SOD2: variants seen among roughly 807,000 people sequenced by gnomAD.
The protein encoded by SOD2 is superoxide dismutase [Mn], mitochondrial.
Under a neutral mutation model 27.0 loss-of-function variants are expected in SOD2, and 11 were observed. That is an observed-to-expected ratio of 0.41 (90% confidence interval 0.26 to 0.67). SOD2 has a LOEUF of 0.67. SOD2 is among the 30% of genes least tolerant of loss of function. SOD2 has a pLI of 0.34. For missense variants in SOD2, 250 were observed against 274.5 expected, an observed-to-expected ratio of 0.91 and a Z score of 0.63; for synonymous variants, 105 against 103.0, an observed-to-expected ratio of 1.02 and a Z score of -0.12.
At chr6:159,712,922 A>AC (rs1477558508) in intron 1 of SOD2, 1 of 649,868 alleles carries the variant, frequency 1.5e-6, no homozygotes, top group East Asian at 2.7e-5. Context: ...AGCATTTAAA[A>AC]AGGTCTCCCT....
intron 1 of SOD2, among the ~76,000 whole-genome samples, chr6:159,712,432 A>C (rs572274006): frequency 3.4e-5 from 2 of 58,558 alleles, no homozygotes; most frequent in South Asian, 1.8e-3. Flanking sequence ...CACCTCCATA[A>C]CCACCACTCA....
chr6:159,753,600 A>C, intron 1 of SOD2: 1 of 1,611,852 alleles, frequency 6.2e-7, no homozygotes, highest in East Asian at 2.2e-5. Context: ...GAGGAGCTTA[A>C]AAGCAGTCAG....
At chr6:159,742,829 GA>G (rs1779342107) in intron 1 of SOD2, among the ~76,000 whole-genome samples, 2 of 151,880 alleles carry the variant, frequency 1.3e-5, no homozygotes, top group African/African-American at 4.8e-5. Flanking sequence ...GCCAAGGTGG[GA>G]AGATCACTTG....
In SOD2 at chr6:159,677,808, AT is replaced by A. The variant is rs894616467; in HGVS notation, c.*4684del. On this transcript the variant is annotated 3_prime_UTR_variant, in exon 5 of 5. Coordinates refer to ENST00000538183, the MANE Select transcript of SOD2 (RefSeq NM_000636.4). ...TATTATGAGAAATATATAAAATACT[AT>A]TTGTGATCATGTTATTTATAAGAAA... 20 of 152,290 alleles carry A rather than the reference AT, an allele frequency of 1.3e-4. No homozygotes were observed. The East Asian group carries it at 1.5e-3, about 12-fold the overall frequency. The allele number at this position is 152,290 out of a possible 1,614,324, so 9.4% of individuals were successfully genotyped here. A position where few individuals can be genotyped will look rare whatever the true frequency, so the allele number is the denominator to read the frequency against.
chr6:159,742,892 C>CA (rs60309252), intron 1 of SOD2, among the ~76,000 whole-genome samples: 2,934 of 137,848 alleles, frequency 0.021, 36 homozygotes, highest in Non-Finnish European at 0.029. Context: ...CTTGTCTCTA[C>CA]AAAAAAAAAA....
chr6:159,753,402 T>G (rs1359213831), intron 1 of SOD2: 1 of 1,610,704 alleles, frequency 6.2e-7, no homozygotes. Flanking sequence ...GTAATAATTG[T>G]AAGCAAAGAC....
intron 1 of SOD2, 103 bp from the exon 2 acceptor site, chr6:159,692,966 C>T: frequency 7.4e-7 from 1 of 1,352,330 alleles, no homozygotes; most frequent in Non-Finnish European, 9.7e-7. Flanking sequence ...CGAGTCCCCG[C>T]GTCCCCTCCC....
At position 159,709,621 on chromosome 6, in the gene SOD2, G is replaced by A. The variant is rs9766083; in HGVS notation, c.-115-16758C>T. Among the ~76,000 whole-genome samples, 786 of 152,186 alleles carry A rather than the reference G, an allele frequency of 5.2e-3. 5 individuals carry two copies. Among genetic ancestry groups the A allele is most frequent in the African/African-American group, 0.018 (744 of 41,534 alleles). On this transcript the variant is annotated intron_variant, in intron 1 of 2. Transcript: ENST00000401980. ...TCATTAAAAAGTCAGGAAACAACAGGTGCTGGAGAGGATGTGGAGAAATAG... is the reference window on the plus strand; with the variant it reads ...TCATTAAAAAGTCAGGAAACAACAGATGCTGGAGAGGATGTGGAGAAATAG...
At chr6:159,727,404 G>T, upstream of SOD2, 1 of 1,219,146 alleles carries the variant, frequency 8.2e-7, no homozygotes, top group Non-Finnish European at 1.1e-6. Context: ...GAGGCGGGAG[G>T]CAGTGGCGCT....
upstream of SOD2, chr6:159,727,583 G>T (rs1157387158): frequency 1.0e-6 from 1 of 986,958 alleles, no homozygotes; most frequent in South Asian, 4.5e-5. Flanking sequence ...CTAGGAGCGC[G>T]GCGGGGCCGG....
chr6:159,726,365 C>T (rs886174978), intron 1 of SOD2: 42 of 156,906 alleles, frequency 2.7e-4, no homozygotes, highest in African/African-American at 9.7e-4. Context: ...AAGATTTTCT[C>T]CAGACCGATC....
chr6:159,746,042 A>G (rs1413953964), upstream of SOD2, among the ~76,000 whole-genome samples: 2 of 152,196 alleles, frequency 1.3e-5, no homozygotes, highest in Non-Finnish European at 1.5e-5. Context: ...GGTGTTAGGA[A>G]AACAGGAAAT....
upstream of SOD2, among the ~76,000 whole-genome samples, chr6:159,697,616 G>A (rs911787109): frequency 1.3e-5 from 2 of 152,156 alleles, no homozygotes; most frequent in African/African-American, 2.4e-5. Context: ...GGCATGTGTC[G>A]CAGGTAATCA....
At chr6:159,741,982 G>A in intron 1 of SOD2, 1 of 830,298 alleles carries the variant, frequency 1.2e-6, no homozygotes, top group African/African-American at 1.8e-5. Flanking sequence ...GAAAAATCCA[G>A]AAGAATGCTC....
At position 159,680,660 on chromosome 6, in the gene SOD2, G is replaced by A. The variant is rs962593598; in HGVS notation, c.*1833C>T. The A allele has an allele frequency of 6.6e-6, 1 of 152,090 alleles. No individual in the cohort carries two copies. Among genetic ancestry groups the A allele is most frequent in the African/African-American group, 2.4e-5 (1 of 41,434 alleles). 9.4% of individuals were successfully genotyped at this position (152,090 alleles called of 1,614,324 possible). A position where few individuals can be genotyped will look rare whatever the true frequency, so the allele number is the denominator to read the frequency against. ...TAAGAAAAAAGCCTATATAGGCCAG[G>A]TGCAGTGGCTCACACCTGTAATCCC... On this transcript the variant is annotated 3_prime_UTR_variant, in exon 5 of 5. Coordinates refer to ENST00000538183, the MANE Select transcript of SOD2 (RefSeq NM_000636.4).
upstream of SOD2, among the ~76,000 whole-genome samples, chr6:159,695,496 C>A (rs1486867876): frequency 6.6e-6 from 1 of 152,050 alleles, no homozygotes; most frequent in African/African-American, 2.4e-5. Flanking sequence ...CCTTGTCTAC[C>A]ACACCCAGTG....
chr6:159,722,132 C>T (rs1369997531), intron 1 of SOD2, among the ~76,000 whole-genome samples: 1 of 151,960 alleles, frequency 6.6e-6, no homozygotes, highest in Non-Finnish European at 1.5e-5. Context: ...ACTCCCAGCG[C>T]TTTGGGAGGT....
upstream of SOD2, among the ~76,000 whole-genome samples, chr6:159,745,604 T>A (rs183440208): frequency 3.6e-4 from 54 of 152,028 alleles, no homozygotes; most frequent in Non-Finnish European, 5.9e-5. Flanking sequence ...AAGTTTCAGG[T>A]GAGAGTGAAA....
At chr6:159,746,139 T>G (rs540984564), upstream of SOD2, among the ~76,000 whole-genome samples, 1 of 152,318 alleles carries the variant, frequency 6.6e-6, no homozygotes, top group African/African-American at 2.4e-5. Flanking sequence ...TTTAAAATTG[T>G]TCGTTAGATT....
Sources: gnomAD v4.1 joint callset for allele counts (sites outside exome capture counted in the v4.1 genomes callset) on GRCh38, gnomAD v4.1.1 for gene constraint, MANE v1.5 for transcripts, NCBI Gene and HGNC (gene_info 2026-07-23, HGNC 2026-07-21) for gene names.